TTN: variants seen among roughly 807,000 people sequenced by gnomAD.
The protein encoded by TTN is connectin.
Under a neutral mutation model 3,223.0 loss-of-function variants are expected in TTN, and 1,525 were observed. The observed-to-expected ratio is 0.47, with a 90% CI of 0.45 to 0.49. TTN has a LOEUF of 0.49. Ranked by LOEUF, TTN falls within the 20% of genes least tolerant of loss-of-function variation. The pLI is 0.00. For missense variants in TTN, 40,786 were observed against 43,424.0 expected, an observed-to-expected ratio of 0.94 and a Z score of 5.40; for synonymous variants, 14,094 against 15,161.0, an observed-to-expected ratio of 0.93 and a Z score of 5.17.
intron 98 of TTN, 55 bp from the exon 99 acceptor site, chr2:178,709,911 T>C: frequency 1.3e-6 from 2 of 1,520,056 alleles, no homozygotes; most frequent in Admixed American, 2.2e-5. Flanking sequence ...ATTACTAATA[T>C]GAAGCTTTTC....
In TTN at chr2:178,769,846, G is replaced by A; in HGVS notation, c.8735C>T (p.Ser2912Phe). ...ECEVSHFNVP[S>F]MWLKNGVEIE... Reference sequence around the variant, plus strand: ...TTCCACACCATTCTTCAGCCACATGGAAGGGACATTGAAGTGGGACACCTC... The same window carrying A: ...TTCCACACCATTCTTCAGCCACATGAAAGGGACATTGAAGTGGGACACCTC... Residue 2912 changes from serine to phenylalanine, a missense_variant, in exon 37 of 363, where the codon TCC becomes TTC. Physicochemically the swap from Ser to Phe is radical, Grantham distance 155 (BLOSUM62 -2). Transcript: ENST00000589042. 1 of 1,614,054 alleles carries A rather than the reference G, an allele frequency of 6.2e-7. No homozygotes were observed. The highest frequency in any genetic ancestry group is 8.5e-7 in the Non-Finnish European group (1 of 1,179,998).
chr2:178,715,409 T>A, intron 89 of TTN, 84 bp downstream of exon 89: 1 of 1,528,958 alleles, frequency 6.5e-7, no homozygotes, highest in East Asian at 2.3e-5. Context: ...TTTTAAAACA[T>A]CGTTGAAGAG....
At position 178,667,650 on chromosome 2, in the gene TTN, T is replaced by G. The variant is rs760089869; in HGVS notation, c.35617A>C (p.Lys11873Gln). 1 of 1,597,004 alleles carries G rather than the reference T, an allele frequency of 6.3e-7. No individual in the cohort carries two copies. The highest frequency in any genetic ancestry group is 1.7e-5 in the Admixed American group (1 of 59,888). Residue 11873 changes from lysine (K) to glutamine (Q), a missense_variant, in exon 160 of 363, where the codon AAA (lysine) becomes CAA (glutamine). By Grantham distance (53) the Lys-to-Gln change is moderately conservative. Transcript: ENST00000589042. ...LVTQPQKTKP[K>Q]LAKVPEPPKK... ...TGGTGTTATATACCTTTTGCTAGTTTGGGTTTTGTCTTTTGAGGTTGAGTC... is the reference window on the plus strand; with the variant it reads ...TGGTGTTATATACCTTTTGCTAGTTGGGGTTTTGTCTTTTGAGGTTGAGTC...
chr2:178,776,515 A>G lies in TTN; in HGVS notation c.5349T>C (p.Tyr1783=), dbSNP rs1275085739. The change falls in exon 28 of 363, where the codon TAT becomes TAC. Residue 1783 remains tyrosine, a synonymous_variant. Coordinates refer to ENST00000589042, the MANE Select transcript of TTN (RefSeq NM_001267550.2). The part of the protein sequence containing the change: ...GIITCRATNK[Y]GTDHTSATLI... ...GGGTAGCAGATGTGTGATCTGTTCC[A>G]TATTTGTTAGTGGCTCTGCAAGTAA... 6.2e-7 allele frequency: 1 copy of G among 1,609,260 alleles called. No homozygotes were observed. The highest frequency in any genetic ancestry group is 2.2e-5 in the East Asian group (1 of 44,872).
At position 178,776,158 on chromosome 2, in the gene TTN, G is replaced by A; in HGVS notation, c.5706C>T (p.Cys1902=). Residue 1902 remains cysteine (C), a synonymous_variant, in exon 28 of 363, where the codon TGC becomes TGT. Transcript: ENST00000589042. ...DGIHYLDIVD[C]KSYDTGEVKV... is the part of the protein sequence containing the mutation. ...TCACTTCACCTGTGTCATATGATTT[G>A]CAGTCCACGATGTCCAGGTAATGGA... The A allele has an allele frequency of 6.2e-7, 1 of 1,614,098 alleles. No homozygotes were observed. The highest frequency in any genetic ancestry group is 8.5e-7 in the Non-Finnish European group (1 of 1,179,988).
intron 44 of TTN, 126 bp downstream of exon 44, chr2:178,758,858 A>G (rs1043753341): frequency 1.2e-5 from 12 of 973,718 alleles, no homozygotes; most frequent in Non-Finnish European, 1.9e-5. Flanking sequence ...CAGGGAAATA[A>G]TTAGTTGAAT....
Position 178,709,631 on chromosome 2 carries a change from A to G in TTN, c.28688T>C (p.Leu9563Ser). ...ATCATTGGACACTTTGCATGTGTAC[A>G]AACCAGCGTCGTTCATGCCTGCTTT... ...VRKAGMNDAGLYTCKVSNDAG... is the reference protein window; with the variant it reads ...VRKAGMNDAGSYTCKVSNDAG... Residue 9563 changes from leucine (L) to serine (S), a missense_variant, in exon 99 of 363, where the codon TTG becomes TCG. By Grantham distance (145) the Leu-to-Ser change is moderately radical. Transcript: ENST00000589042. The G allele has an allele frequency of 6.2e-7, 1 of 1,613,950 alleles. No individual in the cohort carries two copies. Among genetic ancestry groups the G allele is most frequent in the East Asian group, 2.2e-5 (1 of 44,884 alleles).
At chr2:178,639,031 G>C (rs910893918) in intron 223 of TTN, among the ~76,000 whole-genome samples, 1 of 151,890 alleles carries the variant, frequency 6.6e-6, no homozygotes, top group Non-Finnish European at 1.5e-5. Context: ...CAATTAATAG[G>C]TGCTTTAAGT....
At chr2:178,591,561 A>G in intron 303 of TTN, 38 bp downstream of exon 303, 1 of 1,587,488 alleles carries the variant, frequency 6.3e-7, no homozygotes, top group Non-Finnish European at 8.5e-7. Context: ...GAATAATTTT[A>G]AAAAGAAATA....
Position 178,531,692 on chromosome 2 carries a change from A to G in TTN, c.104923T>C (p.Trp34975Arg). 6.2e-7 allele frequency: 1 copy of G among 1,614,012 alleles called. No homozygotes were observed. Among genetic ancestry groups the G allele is most frequent in the Non-Finnish European group, 8.5e-7 (1 of 1,179,874 alleles). Residue 34975 changes from tryptophan (W) to arginine (R), a missense_variant, in exon 358 of 363, where the codon TGG (tryptophan) becomes CGG (arginine). By Grantham distance (101) the Trp-to-Arg change is moderately radical. Coordinates refer to ENST00000589042, the MANE Select transcript of TTN (RefSeq NM_001267550.2). ...VQSKPTAEVK[W>R]YHNGVELQES... is the part of the protein sequence containing the mutation. ...TGGAGTTCCACACCATTGTGGTACC[A>G]TTTAACCTCGGCAGTTGGCTTAGAC...
At position 178,795,187 on chromosome 2, in the gene TTN, A is replaced by G; in HGVS notation, c.980T>C (p.Met327Thr). ...PIRSVRSPLL[M>T]RKTQASTVAT... ...CACGGTGGATGCCTGAGTCTTACGC[A>G]TGAGCAATGGAGACCTAACAGACCT... Residue 327 changes from methionine to threonine, a missense_variant, in exon 7 of 363, where the codon ATG becomes ACG. Met to Thr is a moderately conservative substitution (Grantham distance 81). Transcript: ENST00000589042. 1 of 1,614,196 alleles carries G rather than the reference A, an allele frequency of 6.2e-7. No homozygotes were observed. The highest frequency in any genetic ancestry group is 2.2e-5 in the East Asian group (1 of 44,882).
Position 178,795,473 on chromosome 2 carries a change from T to A in TTN, c.915-221A>T, listed in dbSNP as rs559259988. On this transcript the variant is annotated intron_variant, in intron 6 of 362. Coordinates refer to ENST00000589042, the MANE Select transcript of TTN (RefSeq NM_001267550.2). Reference sequence around the variant, plus strand: ...ACCCTGTAAGAGAATCAGCTTTAATTCCAAATAAGCTGGAGATTTTGTGCC... The same window carrying A: ...ACCCTGTAAGAGAATCAGCTTTAATACCAAATAAGCTGGAGATTTTGTGCC... Among the ~76,000 whole-genome samples, 15 of 151,998 alleles carry A rather than the reference T, an allele frequency of 9.9e-5. No individual in the cohort carries two copies. In the East Asian group the frequency reaches 2.5e-3, roughly 25 times the overall value.
At position 178,776,445 on chromosome 2, in the gene TTN, G is replaced by A. The variant is rs200563229; in HGVS notation, c.5419C>T (p.Pro1807Ser). The change falls in exon 28 of 363, where the codon CCT becomes TCT. Residue 1807 changes from proline (P) to serine (S), a missense_variant. Physicochemically the swap from Pro to Ser is moderately conservative, Grantham distance 74 (BLOSUM62 -1). Transcript: ENST00000589042. ...CTCTGTAAGCCTTTCCTCCCCTCAG[G>A]CAATTGGGATTCTTCCACAAGACTT... Reference protein sequence around the residue: ...EKSLVEESQLPEGRKGLQRIE... With the variant: ...EKSLVEESQLSEGRKGLQRIE... 5.6e-6 allele frequency: 9 copies of A among 1,608,876 alleles called. No individual in the cohort carries two copies. In the East Asian group the frequency reaches 2.0e-4, roughly 36 times the overall value.
In TTN at chr2:178,537,366, C is replaced by T; in HGVS notation, c.99841G>A (p.Ala33281Thr). ...QLSNVFGTVD[A>T]ILDVEIQDKP... is the part of the protein sequence containing the mutation. The stretch of plus-strand genomic sequence containing the variant: ...CCTTGTATTTCCACATCAAGGATGG[C>T]ATCAACTGTTCCAAAAACATTGCTG... The change falls in exon 355 of 363, where the codon GCC (alanine) becomes ACC (threonine). Residue 33281 changes from alanine (A) to threonine (T), a missense_variant. Physicochemically the swap from Ala to Thr is moderately conservative, Grantham distance 58. Transcript: ENST00000589042. The T allele has an allele frequency of 6.3e-7, 1 of 1,585,730 alleles. No individual in the cohort carries two copies.
At chr2:178,758,058 T>C in intron 44 of TTN, 142 bp from the exon 45 acceptor site, 2 of 894,126 alleles carry the variant, frequency 2.2e-6, no homozygotes, top group Non-Finnish European at 3.2e-6. Context: ...TGTATGTCAC[T>C]ATTGACTCGA....
In TTN at chr2:178,799,714, A is replaced by C. The variant is rs376527094; in HGVS notation, c.687T>G (p.Phe229Leu). 20 of 1,614,210 alleles carry C rather than the reference A, an allele frequency of 1.2e-5. No individual in the cohort carries two copies. The highest frequency in any genetic ancestry group is 1.6e-5 in the Non-Finnish European group (19 of 1,180,032). Residue 229 changes from phenylalanine to leucine, a missense_variant, in exon 6 of 363, where the codon TTT becomes TTG. Coordinates refer to ENST00000589042, the MANE Select transcript of TTN (RefSeq NM_001267550.2). ...CAACTGTTGCAATTGATCTGGCATCAAAGTGGGCTTCAATCTTCTGTAAAA... is the reference window on the plus strand; with the variant it reads ...CAACTGTTGCAATTGATCTGGCATCCAAGTGGGCTTCAATCTTCTGTAAAA... The part of the protein sequence containing the change: ...TRIEKKIEAH[F>L]DARSIATVEM...
In TTN at chr2:178,533,452, C is replaced by T. The variant is rs760436734; in HGVS notation, c.103163G>A (p.Gly34388Asp). The T allele has an allele frequency of 1.2e-6, 2 of 1,613,662 alleles. No individual in the cohort carries two copies. The highest frequency in any genetic ancestry group is 1.1e-5 in the South Asian group (1 of 91,066). ...CCATTTTAATGTTGGTGGGGGGATG[C>T]CAGACACTCTGATCTCAAAGCAGAC... ...QSVCFEIRVS[G>D]IPPPTLKWEK... The change falls in exon 358 of 363, where the codon GGC becomes GAC. Residue 34388 changes from glycine to aspartate, a missense_variant. Transcript: ENST00000589042.
intron 240 of TTN, among the ~76,000 whole-genome samples, chr2:178,629,056 A>G (rs2059445567): frequency 6.6e-6 from 1 of 152,096 alleles, no homozygotes; most frequent in Non-Finnish European, 1.5e-5. Context: ...TTTTCTTCAA[A>G]AAACTAAAAC....
chr2:178,585,080 A>G lies in TTN; in HGVS notation c.64664T>C (p.Val21555Ala), dbSNP rs756320940. 1.2e-6 allele frequency: 2 copies of G among 1,605,312 alleles called. No individual in the cohort carries two copies. Among genetic ancestry groups the G allele is most frequent in the Non-Finnish European group, 1.7e-6 (2 of 1,175,726 alleles). ...TCTAATACTTAACTTACCCATGACT[A>G]CAACTTTGATTTTCTGAGTGTCTGT... Reference protein sequence around the residue: ...SGTDTQKIKVVVMDAPGPPQP... With the variant: ...SGTDTQKIKVAVMDAPGPPQP... Residue 21555 changes from valine to alanine, a missense_variant, in exon 309 of 363, where the codon GTA becomes GCA. By Grantham distance (64) the Val-to-Ala change is moderately conservative. Transcript: ENST00000589042.
Sources: gnomAD v4.1 joint callset for allele counts (sites outside exome capture counted in the v4.1 genomes callset) on GRCh38, gnomAD v4.1.1 for gene constraint, MANE v1.5 for transcripts, NCBI Gene and HGNC (gene_info 2026-07-23, HGNC 2026-07-21) for gene names.